CC2D2A: variants seen among roughly 807,000 people sequenced by gnomAD.
The protein encoded by CC2D2A is coiled-coil and C2 domain-containing protein 2A.
Under a neutral mutation model 212.9 loss-of-function variants are expected in CC2D2A, and 155 were observed. That is an observed-to-expected ratio of 0.73 (90% CI 0.64 to 0.83). The LOEUF is 0.83. CC2D2A is among the 40% of genes least tolerant of loss of function. The pLI is 0.00. For synonymous variants in CC2D2A, 667 were observed against 686.5 expected, an observed-to-expected ratio of 0.97 and a Z score of 0.44; for missense variants, 1,856 against 1,956.2, an observed-to-expected ratio of 0.95 and a Z score of 0.97.
At chr4:15,583,720 C>T (rs1328385668) in intron 30 of CC2D2A, among the ~76,000 whole-genome samples, 1 of 151,998 alleles carries the variant, frequency 6.6e-6, no homozygotes, top group Non-Finnish European at 1.5e-5. Flanking sequence ...GAGGCCGAGG[C>T]GGGCGGATCA....
At chr4:15,482,294 T>G in intron 4 of CC2D2A, 1 of 983,004 alleles carries the variant, frequency 1.0e-6, no homozygotes, top group Non-Finnish European at 1.2e-6. Flanking sequence ...TTCTAAATGC[T>G]CAAAATTATT....
intron 36 of CC2D2A, among the ~76,000 whole-genome samples, chr4:15,600,903 CA>C (rs5856308): frequency 1.0e-3 from 97 of 92,992 alleles, no homozygotes; most frequent in African/African-American, 3.9e-3. Context: ...AGACCTGTCT[CA>C]AAAAAAAAAA....
chr4:15,487,747 C>A (rs1715075102), intron 4 of CC2D2A, among the ~76,000 whole-genome samples: 1 of 149,032 alleles, frequency 6.7e-6, no homozygotes, highest in South Asian at 2.1e-4. Context: ...TTCTTCCTGT[C>A]TTTCTTAGTG....
chr4:15,482,758 A>G (rs746409464), intron 4 of CC2D2A, among the ~76,000 whole-genome samples: 3 of 152,202 alleles, frequency 2.0e-5, no homozygotes, highest in Non-Finnish European at 2.9e-5. Context: ...AAATCAAGGG[A>G]AAGACTGCCA....
intron 6 of CC2D2A, among the ~76,000 whole-genome samples, chr4:15,509,257 A>ATTTATAGGATGAGATAACACTTT (rs1716425421): frequency 6.7e-6 from 1 of 149,354 alleles, no homozygotes; most frequent in African/African-American, 2.4e-5. Context: ...GATAATCTTA[A>ATTTATAGGATGAGATAACACTTT]TTTATAGGAT....
chr4:15,578,290 T>C (rs1720496033), intron 29 of CC2D2A, among the ~76,000 whole-genome samples: 1 of 152,214 alleles, frequency 6.6e-6, no homozygotes, highest in African/African-American at 2.4e-5. Flanking sequence ...ATCTCCATCC[T>C]AAATAACCCC....
rs762951762 is a variant in CC2D2A, at chr4:15,601,313, A to G, written c.4751A>G (p.His1584Arg). The change falls in exon 37 of 37, where the codon CAT becomes CGT. Residue 1584 changes from histidine to arginine, a missense_variant. By Grantham distance (29) the His-to-Arg change is conservative. This residue lies in a region of CC2D2A where 285 missense variants were observed against 278.4 expected (regional missense o/e 1.02). Transcript: ENST00000424120. ...GACGCTGTGTATAGTACTGGAGTAC[A>G]TAATATTGATGTTCCTAATGTTGAA... ...LIDAVYSTGV[H>R]NIDVPNVEFA... 6 of 1,611,734 alleles carry G rather than the reference A, an allele frequency of 3.7e-6. No individual in the cohort carries two copies. Among genetic ancestry groups the G allele is most frequent in the East Asian group, 2.2e-5 (1 of 44,804 alleles).
At chr4:15,479,363 G>A in intron 3 of CC2D2A, 1 of 1,460,722 alleles carries the variant, frequency 6.8e-7, no homozygotes, top group Non-Finnish European at 9.3e-7. Context: ...CTCTGAGAAG[G>A]GAGGCAGGGA....
intron 4 of CC2D2A, among the ~76,000 whole-genome samples, chr4:15,483,989 T>G (rs1714853556): frequency 1.3e-5 from 2 of 152,224 alleles, no homozygotes; most frequent in South Asian, 4.1e-4. Context: ...AACTTTAGTT[T>G]CCTTATTTGT....
chr4:15,507,518 T>C (rs531318847), intron 6 of CC2D2A, among the ~76,000 whole-genome samples: 1 of 152,288 alleles, frequency 6.6e-6, no homozygotes, highest in East Asian at 1.9e-4. Flanking sequence ...CTGACACATA[T>C]GCAAGACTGG....
At chr4:15,532,829 C>T (rs529299674) in intron 13 of CC2D2A, among the ~76,000 whole-genome samples, 1 of 152,234 alleles carries the variant, frequency 6.6e-6, no homozygotes, top group South Asian at 2.1e-4. Flanking sequence ...GAAGACTTTA[C>T]ATGTATTTGT....
At chr4:15,578,335 A>G (rs1022702632) in intron 29 of CC2D2A, among the ~76,000 whole-genome samples, 7 of 152,232 alleles carry the variant, frequency 4.6e-5, no homozygotes, top group African/African-American at 1.7e-4. Flanking sequence ...GGGTATAGTA[A>G]TCAAATCTGG....
At chr4:15,476,785 A>C (rs776755204) in intron 2 of CC2D2A, among the ~76,000 whole-genome samples, 2 of 152,180 alleles carry the variant, frequency 1.3e-5, no homozygotes, top group African/African-American at 2.4e-5. Flanking sequence ...TGTATGTAAA[A>C]ACTCATTAAA....
At chr4:15,479,062 A>G (rs959984118) in intron 3 of CC2D2A, among the ~76,000 whole-genome samples, 2 of 152,198 alleles carry the variant, frequency 1.3e-5, no homozygotes, top group African/African-American at 4.8e-5. Flanking sequence ...GTTTTCTCCC[A>G]TCTCCTGAGA....
chr4:15,571,885 A>G (rs1168922092), intron 28 of CC2D2A, among the ~76,000 whole-genome samples: 1 of 152,170 alleles, frequency 6.6e-6, no homozygotes, highest in African/African-American at 2.4e-5. Context: ...AATTACTCTA[A>G]ACTCCTTGAC....
At chr4:15,573,634 C>T (rs182615814) in intron 28 of CC2D2A, among the ~76,000 whole-genome samples, 2 of 152,276 alleles carry the variant, frequency 1.3e-5, no homozygotes, top group Admixed American at 1.3e-4. Flanking sequence ...CCTTAGATAA[C>T]ATTTGATCTA....
At chr4:15,597,037 T>C (rs1453128122) in intron 34 of CC2D2A, among the ~76,000 whole-genome samples, 2 of 152,226 alleles carry the variant, frequency 1.3e-5, no homozygotes, top group East Asian at 3.8e-4. Context: ...GGGGTACATG[T>C]ATCTGTAATA....
At chr4:15,598,848 T>C (rs1299315324) in intron 35 of CC2D2A, among the ~76,000 whole-genome samples, 1 of 152,154 alleles carries the variant, frequency 6.6e-6, no homozygotes, top group Non-Finnish European at 1.5e-5. Flanking sequence ...CCAATGAGTA[T>C]AGTCATAACA....
At chr4:15,511,553 T>A (rs1716572849) in intron 8 of CC2D2A, 130 bp downstream of exon 8, 3 of 821,264 alleles carry the variant, frequency 3.7e-6, no homozygotes, top group Admixed American at 8.1e-5. Flanking sequence ...CACGTCTGAG[T>A]TGAAATCCCA....
Sources: gnomAD v4.1 joint callset for allele counts (sites outside exome capture counted in the v4.1 genomes callset) on GRCh38, gnomAD v4.1.1 for gene constraint, gnomAD v4.1.1 regional missense constraint, MANE v1.5 for transcripts, NCBI Gene and HGNC (gene_info 2026-07-23, HGNC 2026-07-21) for gene names.